The following CDC25A variants were observed in gnomAD, a reference collection of about 807,000 sequenced individuals.
The protein encoded by CDC25A is M-phase inducer phosphatase 1.
In CDC25A, 17 loss-of-function variants were observed where a neutral mutation model predicts 64.6. The ratio of observed to expected loss-of-function variants is 0.26; its 90% confidence interval spans 0.18 to 0.39. The LOEUF (loss-of-function observed/expected upper bound fraction) is 0.39, where lower values mean the gene tolerates loss of function less well. CDC25A is among the 10% of genes least tolerant of loss of function. CDC25A has a pLI of 1.00. For synonymous variants in CDC25A, 229 were observed against 238.6 expected (o/e 0.96, Z 0.37); for missense variants, 473 against 654.8 (o/e 0.72, Z 3.03).
chr3:48,168,301 A>G (rs1262771350), intron 9 of CDC25A, among the ~76,000 whole-genome samples: 1 of 150,518 alleles, frequency 6.6e-6, no homozygotes, highest in Non-Finnish European at 1.5e-5. Context: ...AGCCTGGGCA[A>G]GGCAGGTGAA....
chr3:48,171,684 A>G (rs2032276105), intron 9 of CDC25A, among the ~76,000 whole-genome samples: 1 of 152,146 alleles, frequency 6.6e-6, no homozygotes, highest in African/African-American at 2.4e-5. Context: ...CAGCCAGAAT[A>G]TTATTAAATA....
At chr3:48,172,659 T>G (rs2032310305) in intron 9 of CDC25A, among the ~76,000 whole-genome samples, 1 of 152,062 alleles carries the variant, frequency 6.6e-6, no homozygotes, top group Non-Finnish European at 1.5e-5. Flanking sequence ...AGCCCAGGAG[T>G]TTGAGACCAG....
At position 48,162,059 on chromosome 3, in the gene CDC25A, TCAAA is replaced by T. The variant is rs988886596; in HGVS notation, c.1322+2244_1322+2247del. Among the ~76,000 whole-genome samples the T allele has an allele frequency of 5.9e-5, 9 of 152,176 alleles. No homozygotes were observed. The South Asian group carries it at 6.2e-4, about 11-fold the overall frequency. On this transcript the variant is annotated intron_variant, in intron 13 of 14. Coordinates refer to ENST00000302506, the MANE Select transcript of CDC25A (RefSeq NM_001789.3). ...CTGGGTGGCAGAGCAAGACTACATC[TCAAA>T]CAAACAAACAAAAAAACTGCTGAGT...
intron 9 of CDC25A, among the ~76,000 whole-genome samples, chr3:48,173,327 G>T (rs1467143860): frequency 4.6e-5 from 7 of 152,032 alleles, no homozygotes; most frequent in Non-Finnish European, 1.5e-5. Context: ...AACATTTCAG[G>T]TCAAAAGTTA....
chr3:48,169,873 G>A (rs2032202830), intron 9 of CDC25A, among the ~76,000 whole-genome samples: 1 of 152,078 alleles, frequency 6.6e-6, no homozygotes, highest in Non-Finnish European at 1.5e-5. Flanking sequence ...GCCAGGCGTG[G>A]TGGTGGGCGC....
intron 6 of CDC25A, among the ~76,000 whole-genome samples, chr3:48,179,342 C>G (rs932841690): frequency 6.6e-6 from 1 of 152,188 alleles, no homozygotes; most frequent in East Asian, 1.9e-4. Context: ...GTTTCTGATA[C>G]CCAACTCTTA....
intron 9 of CDC25A, among the ~76,000 whole-genome samples, chr3:48,169,250 G>A (rs1193401804): frequency 6.6e-6 from 1 of 152,184 alleles, no homozygotes; most frequent in Non-Finnish European, 1.5e-5. Flanking sequence ...GCTAATTAAT[G>A]AGGAAAGAAT....
chr3:48,163,081 A>C (rs1324421976), intron 13 of CDC25A, among the ~76,000 whole-genome samples: 3 of 152,000 alleles, frequency 2.0e-5, no homozygotes, highest in Non-Finnish European at 2.9e-5. Context: ...CAGGAGTTCA[A>C]GACCAGCCCG....
chr3:48,178,471 G>A (rs554650101), intron 6 of CDC25A, among the ~76,000 whole-genome samples: 15 of 152,268 alleles, frequency 9.9e-5, no homozygotes, highest in South Asian at 2.1e-4. Flanking sequence ...ATCTATCCTC[G>A]TTCTTTAGAC....
chr3:48,160,204 C>G (rs1279303522), intron 13 of CDC25A, among the ~76,000 whole-genome samples: 2 of 152,080 alleles, frequency 1.3e-5, no homozygotes, highest in African/African-American at 4.8e-5. Flanking sequence ...TCTCCGTCTC[C>G]CGGGTTCAAG....
Position 48,177,441 on chromosome 3 carries a change from T to C in CDC25A, c.686A>G (p.Asn229Ser). Residue 229 changes from asparagine to serine, a missense_variant and splice_region_variant, in exon 8 of 15, where the codon AAT becomes AGT. By Grantham distance (46) the Asn-to-Ser change is conservative. This residue lies in a region of CDC25A where 376 missense variants were observed against 431.9 expected (regional missense o/e 0.87). Coordinates refer to ENST00000302506, the MANE Select transcript of CDC25A (RefSeq NM_001789.3). ...CATGCACGAGGGGGTCTCCTCCTCA[T>C]TCTAAAGAAACAGAAAAACTGATTT... Reference protein sequence around the residue: ...VDLLDGENLKNEEETPSCMAS... With the variant: ...VDLLDGENLKSEEETPSCMAS... 1.9e-6 allele frequency: 3 copies of C among 1,612,616 alleles called. No homozygotes were observed. The highest frequency in any genetic ancestry group is 1.1e-5 in the South Asian group (1 of 90,998).
intron 10 of CDC25A, 120 bp from the exon 11 acceptor site, chr3:48,166,013 G>A (rs1189559143): frequency 1.9e-5 from 14 of 721,536 alleles, no homozygotes; most frequent in East Asian, 1.3e-4. Flanking sequence ...GGCCAGGCAC[G>A]GTGGCTCACA....
At chr3:48,182,459 T>C (rs2106756780) in intron 5 of CDC25A, among the ~76,000 whole-genome samples, 1 of 152,324 alleles carries the variant, frequency 6.6e-6, no homozygotes, top group East Asian at 1.9e-4. Flanking sequence ...TCAGTTACTC[T>C]GAGATTCCCT....
Position 48,158,858 on chromosome 3 carries a change from GT to G in CDC25A, c.*86del. 1 of 1,497,190 alleles carries G rather than the reference GT, an allele frequency of 6.7e-7. No homozygotes were observed. Among genetic ancestry groups the G allele is most frequent in the Non-Finnish European group, 9.1e-7 (1 of 1,096,774 alleles). The allele number at this position is 1,497,190 out of a possible 1,614,324, so 92.7% of individuals were successfully genotyped here. A position where few individuals can be genotyped will look rare whatever the true frequency, so the allele number is the denominator to read the frequency against. Reference sequence around the variant, plus strand: ...CCCCCTCTCCAAATGTCACACAGCTGTCCCCTTTGCTTAAGTTTCTCTGCAG... The same window carrying G: ...CCCCCTCTCCAAATGTCACACAGCTGCCCCTTTGCTTAAGTTTCTCTGCAG... On this transcript the variant is annotated 3_prime_UTR_variant, in exon 15 of 15. Coordinates refer to ENST00000302506, the MANE Select transcript of CDC25A (RefSeq NM_001789.3).
chr3:48,179,888 T>C lies in CDC25A; in HGVS notation c.549+833A>G, dbSNP rs187412008. ...AGGTATATTTTCAGATTTAAGATCC[T>C]AGGTAAACCTGGAAGCCAAATGTGG... On this transcript the variant is annotated intron_variant, in intron 6 of 14. Transcript: ENST00000302506. Among the ~76,000 whole-genome samples the C allele has an allele frequency of 3.9e-5, 6 of 152,350 alleles. No homozygotes were observed. In the East Asian group the frequency reaches 1.2e-3, roughly 29 times the overall value.
chr3:48,173,010 G>C (rs1204494147), intron 9 of CDC25A, among the ~76,000 whole-genome samples: 4 of 152,102 alleles, frequency 2.6e-5, no homozygotes, highest in Non-Finnish European at 4.4e-5. Context: ...ACAAGGTCAG[G>C]AGATGGAGAC....
chr3:48,183,700 C>T, intron 4 of CDC25A, 100 bp downstream of exon 4: 1 of 738,144 alleles, frequency 1.4e-6, no homozygotes, highest in South Asian at 1.8e-5. Flanking sequence ...TAAAGAAAAG[C>T]AGTTTTTACT....
chr3:48,183,664 G>C (rs1444027863), intron 4 of CDC25A, 136 bp downstream of exon 4: 3 of 617,394 alleles, frequency 4.9e-6, no homozygotes, highest in Non-Finnish European at 8.8e-6. Context: ...CTGGGTGACA[G>C]AGCAAGACCT....
chr3:48,159,318 G>C (rs1180459036), intron 14 of CDC25A, 26 bp downstream of exon 14: 1 of 1,516,678 alleles, frequency 6.6e-7, no homozygotes, highest in East Asian at 2.3e-5. Context: ...GGGGAGGAGA[G>C]ATGCTCTCCA....
Sources: gnomAD v4.1 joint callset for allele counts (sites outside exome capture counted in the v4.1 genomes callset) on GRCh38, gnomAD v4.1.1 for gene constraint, gnomAD v4.1.1 regional missense constraint, MANE v1.5 for transcripts, NCBI Gene and HGNC (gene_info 2026-07-23, HGNC 2026-07-21) for gene names.